CNBD1: variants seen among roughly 807,000 people sequenced by gnomAD.
CNBD1 encodes cyclic nucleotide binding domain containing 1.
In CNBD1, 71 loss-of-function variants were observed where a neutral mutation model predicts 54.4. The ratio of observed to expected loss-of-function variants is 1.30; its 90% confidence interval spans 1.08 to 1.59. CNBD1 has a LOEUF of 1.59. CNBD1 is among the 40% of genes most tolerant of loss of function. CNBD1 has a pLI of 0.00. For synonymous variants in CNBD1, 182 were observed against 170.7 expected, an observed-to-expected ratio of 1.07 and a Z score of -0.51; for missense variants, 659 against 518.0, an observed-to-expected ratio of 1.27 and a Z score of -2.64.
rs549729458 is a variant in CNBD1, at chr8:87,304,692, C to T, written c.1042+18021C>T. Reference sequence around the variant, plus strand: ...ATCATTTCAATAGATGCAGAAAAAGCATTCAACAAAATCCAGCATTACTTT... The same window carrying T: ...ATCATTTCAATAGATGCAGAAAAAGTATTCAACAAAATCCAGCATTACTTT... On this transcript the variant is annotated intron_variant, in intron 8 of 10. Coordinates refer to ENST00000518476, the MANE Select transcript of CNBD1 (RefSeq NM_173538.3). Among the ~76,000 whole-genome samples the T allele has an allele frequency of 2.0e-5, 3 of 151,980 alleles. No homozygotes were observed. In the East Asian group the frequency reaches 5.8e-4, roughly 29 times the overall value.
intron 3 of CNBD1, among the ~76,000 whole-genome samples, chr8:86,911,402 T>C (rs1809097849): frequency 6.6e-6 from 1 of 152,214 alleles, no homozygotes; most frequent in South Asian, 2.1e-4. Context: ...AGGAAACAAA[T>C]AGTAAGCATC....
chr8:87,245,553 T>C (rs1807785282), intron 6 of CNBD1, among the ~76,000 whole-genome samples: 1 of 152,026 alleles, frequency 6.6e-6, no homozygotes, highest in Non-Finnish European at 1.5e-5. Flanking sequence ...TGCTGTTGTT[T>C]ATCTCATGAT....
intron 4 of CNBD1, among the ~76,000 whole-genome samples, chr8:87,174,842 G>A (rs896906033): frequency 2.6e-5 from 4 of 152,172 alleles, no homozygotes; most frequent in Non-Finnish European, 5.9e-5. Context: ...TACTGCCTTG[G>A]TGGTCATGGA....
At chr8:87,376,403 A>T (rs1298801834) in intron 10 of CNBD1, among the ~76,000 whole-genome samples, 1 of 151,886 alleles carries the variant, frequency 6.6e-6, no homozygotes, top group Non-Finnish European at 1.5e-5. Flanking sequence ...TACTTGCCAG[A>T]AGAAACCTAC....
At chr8:87,151,369 A>G (rs949321026) in intron 4 of CNBD1, among the ~76,000 whole-genome samples, 1 of 152,222 alleles carries the variant, frequency 6.6e-6, no homozygotes, top group Admixed American at 6.5e-5. Flanking sequence ...TACTAATGAA[A>G]CTCACATTCT....
At chr8:87,092,277 A>G (rs1211278121) in intron 4 of CNBD1, among the ~76,000 whole-genome samples, 2 of 151,924 alleles carry the variant, frequency 1.3e-5, no homozygotes, top group Non-Finnish European at 2.9e-5. Flanking sequence ...TCTGTGATCA[A>G]TTTATGGCTG....
intron 8 of CNBD1, among the ~76,000 whole-genome samples, chr8:87,316,044 T>C (rs1809377198): frequency 6.6e-6 from 1 of 151,994 alleles, no homozygotes; most frequent in African/African-American, 2.4e-5. Context: ...TAAATTGAAA[T>C]ATTCATCTCA....
Position 87,353,734 on chromosome 8 carries a change from C to G in CNBD1, c.1251C>G (p.Ile417Met). Residue 417 changes from isoleucine (I) to methionine (M), a missense_variant, in exon 10 of 11, where the codon ATC (isoleucine) becomes ATG (methionine). Ile to Met is a conservative substitution (Grantham distance 10, BLOSUM62 1). Transcript: ENST00000518476. ...TTCAAGTTCCTTTCACGTGCACAAT[C>G]ATTACCAAAAAAGAAGTTGAGATGG... Reference protein sequence around the residue: ...VLLQVPFTCTIITKKEVEMAI... With the variant: ...VLLQVPFTCTMITKKEVEMAI... The G allele has an allele frequency of 6.2e-7, 1 of 1,610,996 alleles. No homozygotes were observed. The highest frequency in any genetic ancestry group is 8.5e-7 in the Non-Finnish European group (1 of 1,178,526).
At chr8:86,936,942 ACT>A (rs1182311169) in intron 3 of CNBD1, among the ~76,000 whole-genome samples, 21 of 151,898 alleles carry the variant, frequency 1.4e-4, no homozygotes, top group African/African-American at 4.8e-4. Context: ...ATTTATATAA[ACT>A]CTTTTAGTTA....
chr8:87,098,973 G>T (rs1220449240), intron 4 of CNBD1, among the ~76,000 whole-genome samples: 12 of 137,964 alleles, frequency 8.7e-5, no homozygotes, highest in Non-Finnish European at 1.5e-4. Context: ...GGAGGCAGGG[G>T]TTGCAGTGAG....
intron 8 of CNBD1, among the ~76,000 whole-genome samples, chr8:87,298,940 T>A (rs1253290773): frequency 1.3e-5 from 2 of 152,220 alleles, no homozygotes; most frequent in Non-Finnish European, 2.9e-5. Flanking sequence ...GTATATTTGC[T>A]TTATTAATAC....
chr8:86,976,551 GT>G (rs888583714), intron 4 of CNBD1, among the ~76,000 whole-genome samples: 1 of 151,856 alleles, frequency 6.6e-6, no homozygotes, highest in African/African-American at 2.4e-5. Flanking sequence ...TATTAGAATA[GT>G]TTTTTTCTAT....
In CNBD1 at chr8:87,035,659, C is replaced by T. The variant is rs973670361; in HGVS notation, c.431+95905C>T. On this transcript the variant is annotated intron_variant, in intron 4 of 10. Coordinates refer to ENST00000518476, the MANE Select transcript of CNBD1 (RefSeq NM_173538.3). Reference sequence around the variant, plus strand: ...ATAAAATACTTGAATGTGTTTGTGGCAGTTATGATGAGGTTTGGCTTTAAT... The same window carrying T: ...ATAAAATACTTGAATGTGTTTGTGGTAGTTATGATGAGGTTTGGCTTTAAT... Among the ~76,000 whole-genome samples the T allele has an allele frequency of 3.9e-5, 6 of 152,170 alleles. 1 individual carries two copies. In the East Asian group the frequency reaches 7.7e-4, roughly 20 times the overall value.
At chr8:87,383,380 A>G (rs1311191115), downstream of CNBD1, among the ~76,000 whole-genome samples, 1 of 152,126 alleles carries the variant, frequency 6.6e-6, no homozygotes, top group African/African-American at 2.4e-5. Context: ...CGTTTATTCA[A>G]TACCTACCAT....
intron 10 of CNBD1, among the ~76,000 whole-genome samples, chr8:87,356,521 T>TGACCTA (rs1467189499): frequency 2.0e-5 from 3 of 152,148 alleles, no homozygotes; most frequent in African/African-American, 7.2e-5. Context: ...TTAAGAGTGG[T>TGACCTA]GACCTAGGGT....
chr8:87,240,065 AACACACACACACACACAC>A (rs10608912), intron 6 of CNBD1, among the ~76,000 whole-genome samples: 1 of 146,424 alleles, frequency 6.8e-6, no homozygotes, highest in Admixed American at 6.8e-5. Flanking sequence ...TCTGTGCCAA[AACACACACACACACACAC>A]ACACACACAC....
At chr8:86,885,401 C>T (rs1808667266) in intron 1 of CNBD1, among the ~76,000 whole-genome samples, 2 of 152,092 alleles carry the variant, frequency 1.3e-5, no homozygotes, top group South Asian at 2.1e-4. Flanking sequence ...CTTTCCAGCC[C>T]TCTTTCAAAT....
rs567570003 is a variant in CNBD1 at position 87,197,061 on chromosome 8, T to C, written c.432-8932T>C. ...GGGAATAGTATTTTTTATACACCAC[T>C]GTATGTGGTCTGGATAACTCATAAT... is the stretch of plus-strand genomic sequence containing the variant. On this transcript the variant is annotated intron_variant, in intron 4 of 10. Transcript: ENST00000518476. 8.5e-5 allele frequency among the ~76,000 whole-genome samples: 13 copies of C among 152,346 alleles called. No homozygotes were observed. The South Asian group carries it at 1.2e-3, about 15-fold the overall frequency.
chr8:87,083,004 C>A lies in CNBD1; in HGVS notation c.432-122989C>A, dbSNP rs190325694. On this transcript the variant is annotated intron_variant, in intron 4 of 10. Transcript: ENST00000518476. ...TCACCTCACATGTTGTGTTTGAAAACTAAGCTCTGATTTTTTCTTATCTTG... is the reference window on the plus strand; with the variant it reads ...TCACCTCACATGTTGTGTTTGAAAAATAAGCTCTGATTTTTTCTTATCTTG... Among the ~76,000 whole-genome samples, 16 of 152,212 alleles carry A rather than the reference C, an allele frequency of 1.1e-4. No homozygotes were observed. The East Asian group carries it at 3.1e-3, about 29-fold the overall frequency.
Sources: gnomAD v4.1 joint callset for allele counts (sites outside exome capture counted in the v4.1 genomes callset) on GRCh38, gnomAD v4.1.1 for gene constraint, MANE v1.5 for transcripts, NCBI Gene and HGNC (gene_info 2026-07-23, HGNC 2026-07-21) for gene names.